Variants in CENATAC observed in about 807,000 individuals in gnomAD.
CENATAC encodes the protein coiled-coil domain containing 84.
A neutral mutation model predicts 53.7 loss-of-function variants in CENATAC; 53 were observed. That is an observed-to-expected ratio of 0.99 (90% CI 0.79 to 1.24). The LOEUF (loss-of-function observed/expected upper bound fraction) is 1.24. Among genes scored for constraint, CENATAC ranks in the 50% most tolerant of loss-of-function variants. The pLI, the probability that CENATAC is intolerant of heterozygous loss-of-function variation, is 0.00. For missense variants in CENATAC, 474 were observed against 417.8 expected, an observed-to-expected ratio of 1.13 and a Z score of -1.17; for synonymous variants, 156 against 144.6, an observed-to-expected ratio of 1.08 and a Z score of -0.57.
chr11:119,001,655 C>G (rs1166257114), intron 3 of CENATAC: 1 of 455,826 alleles, frequency 2.2e-6, no homozygotes, highest in African/African-American at 2.0e-5. Flanking sequence ...TGTTGCAAAT[C>G]TCCAAAAAAA....
chr11:119,011,472 C>T (rs1251999652), intron 5 of CENATAC, among the ~76,000 whole-genome samples, 189 bp downstream of exon 5: 1 of 152,080 alleles, frequency 6.6e-6, no homozygotes, highest in Non-Finnish European at 1.5e-5. Flanking sequence ...CTCCCAGGTT[C>T]AGGTTCAAGC....
Position 118,998,179 on chromosome 11 carries a change from G to C in CENATAC, c.-19G>C. On this transcript the variant is annotated 5_prime_UTR_variant, in exon 1 of 11. Coordinates refer to ENST00000334418, the MANE Select transcript of CENATAC (RefSeq NM_198489.3). Reference sequence around the variant, plus strand: ...CGTAGGATCGGCCGCTGGTGGTGGTGATACCGGGTACCCGGGCTATGGCGC... The same window carrying C: ...CGTAGGATCGGCCGCTGGTGGTGGTCATACCGGGTACCCGGGCTATGGCGC... The C allele has an allele frequency of 1.3e-6, 2 of 1,571,910 alleles. No individual in the cohort carries two copies. The highest frequency in any genetic ancestry group is 1.7e-6 in the Non-Finnish European group (2 of 1,161,594).
intron 3 of CENATAC, chr11:119,003,952 T>A (rs782014668): frequency 6.6e-6 from 1 of 152,244 alleles, no homozygotes; most frequent in Non-Finnish European, 1.5e-5. Flanking sequence ...GATATTTCCA[T>A]GGTTATAGAT....
intron 4 of CENATAC, 142 bp downstream of exon 4, chr11:119,010,972 A>G (rs1010202535): frequency 6.7e-6 from 5 of 744,512 alleles, no homozygotes; most frequent in Non-Finnish European, 1.1e-5. Context: ...CTAGATTCTC[A>G]TAAGGAGCAC....
At chr11:119,001,627 C>T (rs1195671112) in intron 3 of CENATAC, 3 of 455,782 alleles carry the variant, frequency 6.6e-6, no homozygotes, top group African/African-American at 6.0e-5. Context: ...TGTGGTTCAT[C>T]TGCAAGTTTT....
intron 8 of CENATAC, 55 bp downstream of exon 8, chr11:119,013,317 G>C (rs1435337832): frequency 7.4e-5 from 97 of 1,304,956 alleles, no homozygotes; most frequent in East Asian, 1.4e-4. Context: ...TTTTTTTTGA[G>C]ATGGAGTCTT....
rs1397144061 is a variant in CENATAC at position 118,998,192 on chromosome 11, C to T, written c.-6C>T. 6 of 1,576,772 alleles carry T rather than the reference C, an allele frequency of 3.8e-6. No individual in the cohort carries two copies. In the East Asian group the frequency reaches 7.0e-5, roughly 18 times the overall value. Reference sequence around the variant, plus strand: ...GCTGGTGGTGGTGATACCGGGTACCCGGGCTATGGCGCCGGCGCAGCGCTG... The same window carrying T: ...GCTGGTGGTGGTGATACCGGGTACCTGGGCTATGGCGCCGGCGCAGCGCTG... On this transcript the variant is annotated 5_prime_UTR_variant, in exon 1 of 11. Coordinates refer to ENST00000334418, the MANE Select transcript of CENATAC (RefSeq NM_198489.3).
intron 8 of CENATAC, chr11:119,014,629 A>T (rs1179482337): frequency 3.7e-5 from 6 of 160,566 alleles, no homozygotes; most frequent in African/African-American, 1.4e-4. Context: ...ATCCTAAAAA[A>T]TACAAACCAA....
At chr11:119,008,817 G>A (rs1337112976) in intron 3 of CENATAC, among the ~76,000 whole-genome samples, 3 of 152,204 alleles carry the variant, frequency 2.0e-5, no homozygotes, top group Admixed American at 6.6e-5. Context: ...ACAGTGCATT[G>A]TGCCCCTGGT....
intron 3 of CENATAC, chr11:119,002,998 CA>C (rs1463281233): frequency 6.0e-6 from 3 of 502,308 alleles, no homozygotes; most frequent in Non-Finnish European, 1.2e-5. Flanking sequence ...TAGAATTAGC[CA>C]ACTGGACTCA....
chr11:119,008,073 C>T (rs1942688406), intron 3 of CENATAC, among the ~76,000 whole-genome samples: 1 of 150,372 alleles, frequency 6.7e-6, no homozygotes, highest in Non-Finnish European at 1.5e-5. Context: ...AGCTAAGTGG[C>T]TTTTTTGTTG....
chr11:119,006,936 TC>T (rs1159562938), intron 3 of CENATAC, among the ~76,000 whole-genome samples: 1 of 152,226 alleles, frequency 6.6e-6, no homozygotes, highest in African/African-American at 2.4e-5. Flanking sequence ...GACATGCCTT[TC>T]ACCTTCTGCT....
intron 1 of CENATAC, 45 bp downstream of exon 1, chr11:118,998,362 C>T (rs1592041634): frequency 2.5e-6 from 4 of 1,611,368 alleles, no homozygotes; most frequent in African/African-American, 2.7e-5. Context: ...CGGGGCAGGT[C>T]AGTGAAGGCC....
intron 3 of CENATAC, chr11:119,001,875 A>G: frequency 3.8e-6 from 1 of 265,394 alleles, no homozygotes; most frequent in South Asian, 3.7e-5. Flanking sequence ...TGGGCAGTGT[A>G]TCAAGACCCC....
At chr11:119,002,140 CT>C (rs1942329766) in intron 3 of CENATAC, among the ~76,000 whole-genome samples, 1 of 146,478 alleles carries the variant, frequency 6.8e-6, no homozygotes, top group African/African-American at 2.5e-5. Context: ...AGGAAAATCG[CT>C]TGAGCCCAGG....
Position 118,998,416 on chromosome 11 carries a change from C to A in CENATAC, c.121-14C>A. ...GGGTCCCCCTCGGGGTTCTACTTGG[C>A]CTCTCTGCGGCAGGTGGAGGCGGCC... is the stretch of plus-strand genomic sequence containing the variant. On this transcript the variant is annotated splice_polypyrimidine_tract_variant and intron_variant, in intron 1 of 10. Coordinates refer to ENST00000334418, the MANE Select transcript of CENATAC (RefSeq NM_198489.3). 2.5e-6 allele frequency: 4 copies of A among 1,612,760 alleles called. No homozygotes were observed. The highest frequency in any genetic ancestry group is 3.4e-6 in the Non-Finnish European group (4 of 1,179,800).
chr11:119,013,039 C>T, intron 7 of CENATAC, 193 bp from the exon 8 acceptor site: 2 of 505,730 alleles, frequency 4.0e-6, no homozygotes, highest in South Asian at 6.4e-5. Flanking sequence ...TGTGAGCTTC[C>T]TGAGGACAGG....
chr11:119,002,205 CAA>C (rs1942333477), intron 3 of CENATAC, among the ~76,000 whole-genome samples: 1 of 59,862 alleles, frequency 1.7e-5, no homozygotes. Context: ...GCCTGGGCAA[CAA>C]GAGCAAAACT....
chr11:119,012,393 T>C, intron 7 of CENATAC, 139 bp downstream of exon 7: 1 of 912,912 alleles, frequency 1.1e-6, no homozygotes, highest in Non-Finnish European at 1.6e-6. Flanking sequence ...TCCCTAGTAG[T>C]GTTCTCAGAC....
Sources: allele counts gnomAD v4.1 joint callset (sites outside exome capture counted in the v4.1 genomes callset), GRCh38; gene constraint gnomAD v4.1.1; transcripts MANE v1.5; gene names NCBI Gene and HGNC (gene_info 2026-07-23, HGNC 2026-07-21).